Variants in ADAMTS12 observed in about 807,000 individuals in gnomAD.
ADAMTS12 encodes ADAM metallopeptidase with thrombospondin type 1 motif 12.
In ADAMTS12, 118 loss-of-function variants were observed where a neutral mutation model predicts 167.8. The ratio of observed to expected loss-of-function variants is 0.70; its 90% confidence interval spans 0.61 to 0.82. The LOEUF is 0.82. ADAMTS12 is among the 40% of genes least tolerant of loss of function. ADAMTS12 has a pLI of 0.00. For synonymous variants in ADAMTS12, 704 were observed against 716.9 expected (o/e 0.98, Z 0.29); for missense variants, 1,916 against 1,998.8 (o/e 0.96, Z 0.79).
chr5:33,891,773 T>C lies in ADAMTS12; in HGVS notation c.84A>G (p.Arg28=), dbSNP rs370878691. ...AGCGAACCGGGCCTGGCTGAGGCTG[T>C]CTCCCATAGCAAAGCGCCCCAAAGT... ...LLNFGALCYG[R]QPQPGPVRFP... is the part of the protein sequence containing the mutation. Residue 28 remains arginine, a synonymous_variant, in exon 1 of 24, where the codon AGA becomes AGG. Coordinates refer to ENST00000504830, the MANE Select transcript of ADAMTS12 (RefSeq NM_030955.4). 2 of 1,614,174 alleles carry C rather than the reference T, an allele frequency of 1.2e-6. No individual in the cohort carries two copies.
At chr5:33,534,366 A>G (rs1345107696) in intron 23 of ADAMTS12, among the ~76,000 whole-genome samples, 1 of 152,068 alleles carries the variant, frequency 6.6e-6, no homozygotes, top group African/African-American at 2.4e-5. Context: ...CCATGGAAAT[A>G]CTTACTTAAT....
chr5:33,600,742 C>T (rs1026421184), intron 16 of ADAMTS12, among the ~76,000 whole-genome samples: 7 of 152,076 alleles, frequency 4.6e-5, no homozygotes, highest in Non-Finnish European at 8.8e-5. Context: ...CACATTAGCA[C>T]GTAAATTACA....
chr5:33,550,995 A>G (rs570917998), intron 20 of ADAMTS12, among the ~76,000 whole-genome samples: 4 of 152,250 alleles, frequency 2.6e-5, no homozygotes, highest in South Asian at 2.1e-4. Flanking sequence ...CCTTCCATCA[A>G]TGATCTCATT....
In ADAMTS12 at chr5:33,576,787, T is replaced by G. The variant is rs1050367148; in HGVS notation, c.3239A>C (p.Tyr1080Ser). Residue 1080 changes from tyrosine to serine, a missense_variant, in exon 19 of 24, where the codon TAT (tyrosine) becomes TCT (serine). Tyr to Ser is a moderately radical substitution (Grantham distance 144). Transcript: ENST00000504830. Reference protein sequence around the residue: ...SSTQPELSSRYLISTGSTSQP... With the variant: ...SSTQPELSSRSLISTGSTSQP... ...GGAAGTGCTTCCAGTGGAAATGAGA[T>G]AGCGAGAGCTCAGCTCAGGTTGGGT... 6.2e-7 allele frequency: 1 copy of G among 1,614,082 alleles called. No individual in the cohort carries two copies. The highest frequency in any genetic ancestry group is 1.3e-5 in the African/African-American group (1 of 74,928).
chr5:33,649,807 C>A (rs1740810453), intron 7 of ADAMTS12, 110 bp from the exon 8 acceptor site: 1 of 1,369,098 alleles, frequency 7.3e-7, no homozygotes, highest in African/African-American at 1.4e-5. Flanking sequence ...CACGTTTGTA[C>A]AGAAGGCAAC....
At chr5:33,705,311 A>G (rs1349461951) in intron 3 of ADAMTS12, among the ~76,000 whole-genome samples, 1 of 149,022 alleles carries the variant, frequency 6.7e-6, no homozygotes, top group African/African-American at 2.5e-5. Flanking sequence ...GTGCGTGTAT[A>G]CATTCTTTGA....
intron 19 of ADAMTS12, among the ~76,000 whole-genome samples, chr5:33,567,135 C>T (rs1399488240): frequency 2.0e-5 from 3 of 152,140 alleles, no homozygotes; most frequent in African/African-American, 7.2e-5. Context: ...TGAGTGTAGG[C>T]AAGTGTGATT....
At chr5:33,536,245 C>G (rs1022419671) in intron 22 of ADAMTS12, among the ~76,000 whole-genome samples, 3 of 152,222 alleles carry the variant, frequency 2.0e-5, no homozygotes, top group Non-Finnish European at 2.9e-5. Context: ...AAGTGATTCT[C>G]CTACCTCAGA....
intron 22 of ADAMTS12, among the ~76,000 whole-genome samples, chr5:33,539,534 A>G (rs1254651376): frequency 2.6e-5 from 4 of 152,150 alleles, no homozygotes; most frequent in African/African-American, 9.7e-5. Context: ...CCTCTGGAAT[A>G]ACTTTGATAT....
chr5:33,619,483 C>T (rs771175958), intron 14 of ADAMTS12, among the ~76,000 whole-genome samples: 45 of 152,234 alleles, frequency 3.0e-4, no homozygotes, highest in Non-Finnish European at 4.6e-4. Context: ...TTCTTAATGG[C>T]AGCTGGAGAC....
intron 15 of ADAMTS12, among the ~76,000 whole-genome samples, chr5:33,614,777 G>C (rs1333084453): frequency 2.0e-5 from 3 of 152,176 alleles, no homozygotes; most frequent in Non-Finnish European, 4.4e-5. Flanking sequence ...ATATAGGTAA[G>C]TGCCACAGTT....
At chr5:33,802,770 A>T (rs1468077930) in intron 2 of ADAMTS12, among the ~76,000 whole-genome samples, 5 of 152,144 alleles carry the variant, frequency 3.3e-5, no homozygotes. Context: ...TCAAGCTACA[A>T]ATGTTAGCAA....
intron 13 of ADAMTS12, 142 bp downstream of exon 13, chr5:33,630,638 T>C: frequency 1.1e-6 from 1 of 875,606 alleles, no homozygotes; most frequent in Non-Finnish European, 1.7e-6. Flanking sequence ...TGGGAAGTCT[T>C]ATCTTTTCGT....
At chr5:33,609,972 G>T (rs997501458) in intron 16 of ADAMTS12, among the ~76,000 whole-genome samples, 3 of 152,052 alleles carry the variant, frequency 2.0e-5, no homozygotes, top group Admixed American at 6.6e-5. Flanking sequence ...CTGAGGTCAG[G>T]AGCTCGAGAC....
At chr5:33,718,301 G>C (rs1743683080) in intron 3 of ADAMTS12, among the ~76,000 whole-genome samples, 1 of 152,138 alleles carries the variant, frequency 6.6e-6, no homozygotes, top group Non-Finnish European at 1.5e-5. Context: ...TAAAGCAGGG[G>C]CCCCAACCTC....
rs1018331912 is a variant in ADAMTS12, at chr5:33,782,609, T to C, written c.490-31061A>G. On this transcript the variant is annotated intron_variant, in intron 2 of 23. Transcript: ENST00000504830. ...AAAGAATTGAATAAATGATAAATCA[T>C]GGAGACCATAATCATAAAAGAGCTA... 2.0e-5 allele frequency among the ~76,000 whole-genome samples: 3 copies of C among 152,134 alleles called. No individual in the cohort carries two copies. The South Asian group carries it at 6.2e-4, about 32-fold the overall frequency.
At chr5:33,798,400 C>G (rs1164294235) in intron 2 of ADAMTS12, among the ~76,000 whole-genome samples, 2 of 140,314 alleles carry the variant, frequency 1.4e-5, no homozygotes, top group East Asian at 4.4e-4. Context: ...CTCACATGGT[C>G]TTTTCTCATG....
chr5:33,623,336 A>G (rs561021664), intron 14 of ADAMTS12, among the ~76,000 whole-genome samples: 1 of 152,284 alleles, frequency 6.6e-6, no homozygotes, highest in Admixed American at 6.5e-5. Flanking sequence ...TAACAGTCCG[A>G]TCTCCCTAGA....
At chr5:33,618,287 G>T (rs1260813829) in intron 14 of ADAMTS12, among the ~76,000 whole-genome samples, 1 of 152,220 alleles carries the variant, frequency 6.6e-6, no homozygotes, top group African/African-American at 2.4e-5. Context: ...CGAAGAGGAG[G>T]GGTTGATTTT....
Sources: gnomAD v4.1 joint callset for allele counts (sites outside exome capture counted in the v4.1 genomes callset) on GRCh38, gnomAD v4.1.1 for gene constraint, MANE v1.5 for transcripts, NCBI Gene and HGNC (gene_info 2026-07-23, HGNC 2026-07-21) for gene names.